Variants in CNTN5 observed in about 807,000 individuals in gnomAD.
CNTN5 encodes contactin 5.
In CNTN5, 77 loss-of-function variants were observed where a neutral mutation model predicts 129.1. The ratio of observed to expected loss-of-function variants is 0.60; its 90% confidence interval spans 0.50 to 0.72. The LOEUF is 0.72. CNTN5 is among the 30% of genes least tolerant of loss of function. The pLI is 0.00. For synonymous variants in CNTN5, 509 were observed against 465.6 expected (o/e 1.09, Z -1.20); for missense variants, 1,478 against 1,328.8 (o/e 1.11, Z -1.75).
chr11:99,968,843 T>C (rs1299106657), intron 8 of CNTN5, among the ~76,000 whole-genome samples: 1 of 151,896 alleles, frequency 6.6e-6, no homozygotes, highest in Non-Finnish European at 1.5e-5. Context: ...TTGGGATACA[T>C]TTATCTCTGC....
At chr11:100,212,830 C>A (rs908156898) in intron 15 of CNTN5, among the ~76,000 whole-genome samples, 1 of 151,950 alleles carries the variant, frequency 6.6e-6, no homozygotes, top group African/African-American at 2.4e-5. Context: ...TAGTGGACAC[C>A]AACCATGTTT....
chr11:99,278,471 C>A (rs1591460622), intron 1 of CNTN5, among the ~76,000 whole-genome samples: 2 of 151,194 alleles, frequency 1.3e-5, no homozygotes, highest in East Asian at 3.9e-4. Flanking sequence ...CATAAAAAAC[C>A]ATTTCAAAAT....
At chr11:99,608,660 C>T (rs928766785) in intron 3 of CNTN5, among the ~76,000 whole-genome samples, 1 of 152,162 alleles carries the variant, frequency 6.6e-6, no homozygotes, top group Non-Finnish European at 1.5e-5. Context: ...AGATTTTATC[C>T]TCAGAGCCTC....
At chr11:99,512,795 C>G (rs1946889779) in intron 2 of CNTN5, among the ~76,000 whole-genome samples, 1 of 152,088 alleles carries the variant, frequency 6.6e-6, no homozygotes, top group African/African-American at 2.4e-5. Context: ...ATCAACCAAC[C>G]ATTACATCAT....
chr11:99,279,335 G>A (rs1863590027), intron 1 of CNTN5, among the ~76,000 whole-genome samples: 1 of 151,748 alleles, frequency 6.6e-6, no homozygotes, highest in Non-Finnish European at 1.5e-5. Flanking sequence ...TAGAAACTTA[G>A]GTTGCTAGAA....
intron 2 of CNTN5, among the ~76,000 whole-genome samples, chr11:99,386,082 T>C (rs1940908145): frequency 6.6e-6 from 1 of 152,132 alleles, no homozygotes; most frequent in South Asian, 2.1e-4. Flanking sequence ...TCAAGCCCGT[T>C]TTTCTGAACC....
chr11:99,802,092 T>C (rs1214800626), intron 3 of CNTN5, among the ~76,000 whole-genome samples: 2 of 152,224 alleles, frequency 1.3e-5, no homozygotes, highest in African/African-American at 4.8e-5. Flanking sequence ...TTTCTTGTTC[T>C]CCACCCAGGG....
chr11:100,137,304 A>G (rs1287737575), intron 13 of CNTN5, among the ~76,000 whole-genome samples: 1 of 152,098 alleles, frequency 6.6e-6, no homozygotes, highest in East Asian at 1.9e-4. Context: ...TGAACCAATA[A>G]TTCAAAGAGT....
intron 13 of CNTN5, among the ~76,000 whole-genome samples, chr11:100,137,601 T>G (rs1339290783): frequency 6.6e-6 from 1 of 152,102 alleles, no homozygotes; most frequent in Non-Finnish European, 1.5e-5. Context: ...TTGGTGACTG[T>G]GTGTGTATGT....
intron 6 of CNTN5, among the ~76,000 whole-genome samples, chr11:99,874,870 G>A (rs1769617016): frequency 4.6e-5 from 7 of 152,204 alleles, no homozygotes. Flanking sequence ...GGCCATGGGA[G>A]TCCCTTCAAG....
chr11:99,527,413 G>T (rs1215469728), intron 2 of CNTN5, among the ~76,000 whole-genome samples: 1 of 152,076 alleles, frequency 6.6e-6, no homozygotes, highest in African/African-American at 2.4e-5. Context: ...TACAGTCAGA[G>T]ACACCAAGTC....
intron 6 of CNTN5, among the ~76,000 whole-genome samples, chr11:99,874,808 G>A (rs1948592012): frequency 6.6e-6 from 1 of 152,096 alleles, no homozygotes; most frequent in African/African-American, 2.4e-5. Flanking sequence ...TAGATTTGCA[G>A]TTCAATAACT....
chr11:99,944,645 G>C (rs1232908142), intron 7 of CNTN5, among the ~76,000 whole-genome samples: 2 of 152,086 alleles, frequency 1.3e-5, no homozygotes, highest in Admixed American at 6.6e-5. Flanking sequence ...TCCTTAAGCT[G>C]ATAAACAACT....
At chr11:100,007,338 G>A (rs937064604) in intron 9 of CNTN5, among the ~76,000 whole-genome samples, 2 of 152,080 alleles carry the variant, frequency 1.3e-5, no homozygotes, top group African/African-American at 4.8e-5. Flanking sequence ...ACCAGACACT[G>A]ACTTGTTTTT....
At chr11:99,227,724 AC>A (rs1400048916) in intron 1 of CNTN5, among the ~76,000 whole-genome samples, 1 of 152,198 alleles carries the variant, frequency 6.6e-6, no homozygotes, top group Non-Finnish European at 1.5e-5. Context: ...TTAAAAAGGT[AC>A]TTTTCTTCCA....
chr11:99,436,191 A>G (rs1943593063), intron 2 of CNTN5, among the ~76,000 whole-genome samples: 1 of 152,172 alleles, frequency 6.6e-6, no homozygotes, highest in African/African-American at 2.4e-5. Flanking sequence ...GATGTCAATT[A>G]CTACATATTG....
chr11:99,301,430 A>G (rs1213460432), intron 1 of CNTN5, among the ~76,000 whole-genome samples: 2 of 151,906 alleles, frequency 1.3e-5, no homozygotes, highest in East Asian at 1.9e-4. Flanking sequence ...AATCAAGAGA[A>G]CTGGAATGGC....
At chr11:100,328,622 T>C (rs1024104386) in intron 21 of CNTN5, among the ~76,000 whole-genome samples, 3 of 152,014 alleles carry the variant, frequency 2.0e-5, no homozygotes, top group Non-Finnish European at 4.4e-5. Flanking sequence ...GAGAACTTAT[T>C]CACTATCAAA....
chr11:99,904,053 T>A (rs1949429188), intron 6 of CNTN5, among the ~76,000 whole-genome samples: 1 of 152,182 alleles, frequency 6.6e-6, no homozygotes, highest in Non-Finnish European at 1.5e-5. Context: ...CTCTTTTTAA[T>A]GATATTTTTG....
Sources: gnomAD v4.1 joint callset for allele counts (sites outside exome capture counted in the v4.1 genomes callset) on GRCh38, gnomAD v4.1.1 for gene constraint, MANE v1.5 for transcripts, NCBI Gene and HGNC (gene_info 2026-07-23, HGNC 2026-07-21) for gene names.